USH2A: variants seen among roughly 807,000 people sequenced by gnomAD.
USH2A encodes the protein Usher syndrome 2A (autosomal recessive, mild).
Under a neutral mutation model 538.9 loss-of-function variants are expected in USH2A, and 443 were observed. The observed-to-expected ratio is 0.82, with a 90% CI of 0.76 to 0.89. USH2A has a LOEUF of 0.89. USH2A is among the 40% of genes least tolerant of loss of function. USH2A has a pLI of 0.00. For synonymous variants in USH2A, 2,413 were observed against 2,273.5 expected, an observed-to-expected ratio of 1.06 and a Z score of -1.75; for missense variants, 6,633 against 6,324.8, an observed-to-expected ratio of 1.05 and a Z score of -1.65.
In USH2A at chr1:215,674,399, C is replaced by A; in HGVS notation, c.13512G>T (p.Glu4504Asp). ...TGCTGGCAGTTACTGTGTAGCTATA[C>A]TCCACACCTGGGGTGAGAGTAAAAT... is the stretch of plus-strand genomic sequence containing the variant. The part of the protein sequence containing the change: ...YRDFTLTPGV[E>D]YSYTVTASNS... Residue 4504 changes from glutamate (E) to aspartate (D), a missense_variant, in exon 63 of 72, where the codon GAG becomes GAT. Glu to Asp is a conservative substitution (Grantham distance 45). Transcript: ENST00000307340. 1 of 1,614,136 alleles carries A rather than the reference C, an allele frequency of 6.2e-7. No individual in the cohort carries two copies. The highest frequency in any genetic ancestry group is 8.5e-7 in the Non-Finnish European group (1 of 1,180,030).
At chr1:216,071,391 G>C (rs2031552833) in intron 29 of USH2A, among the ~76,000 whole-genome samples, 1 of 152,166 alleles carries the variant, frequency 6.6e-6, no homozygotes, top group Non-Finnish European at 1.5e-5. Context: ...CAAGGAAAGG[G>C]ACAATGGGAG....
rs1571702290 is a variant in USH2A, at chr1:216,324,302, C to T, written c.1194G>A (p.Arg398=). ...AACTATTTTCCTTCTTCCTTTGAAT[C>T]CTTATTTCCGTTGGTTGTGGACTAA... ...QFFSPQPTEI[R]IQRKKENSLD... is the part of the protein sequence containing the mutation. Residue 398 remains arginine (R), a synonymous_variant, in exon 7 of 72, where the codon AGG becomes AGA. Coordinates refer to ENST00000307340, the MANE Select transcript of USH2A (RefSeq NM_206933.4). 6.2e-7 allele frequency: 1 copy of T among 1,612,946 alleles called. No individual in the cohort carries two copies.
At chr1:216,070,381 TCA>T in intron 29 of USH2A, 89 bp from the exon 30 acceptor site, 1 of 1,216,292 alleles carries the variant, frequency 8.2e-7, no homozygotes, top group Non-Finnish European at 1.2e-6. Context: ...CCGCAGTAAA[TCA>T]GACTCAACCA....
intron 37 of USH2A, among the ~76,000 whole-genome samples, chr1:215,946,236 G>A (rs181863303): frequency 6.6e-6 from 1 of 150,940 alleles, no homozygotes; most frequent in African/African-American, 2.4e-5. Flanking sequence ...ACATGAGACA[G>A]TTGAGAAGCT....
chr1:216,011,761 A>T (rs889066443), intron 32 of USH2A, among the ~76,000 whole-genome samples: 9 of 151,976 alleles, frequency 5.9e-5, no homozygotes, highest in Admixed American at 5.2e-4. Context: ...CCTGACGCAT[A>T]TACTTTCTGC....
intron 21 of USH2A, among the ~76,000 whole-genome samples, chr1:216,161,359 GT>G (rs2034055936): frequency 1.3e-5 from 2 of 151,808 alleles, no homozygotes; most frequent in Non-Finnish European, 2.9e-5. Context: ...CATTCTTTTG[GT>G]TGTTACCTTT....
At chr1:216,160,056 T>C (rs1465258433) in intron 21 of USH2A, among the ~76,000 whole-genome samples, 1 of 152,030 alleles carries the variant, frequency 6.6e-6, no homozygotes, top group Non-Finnish European at 1.5e-5. Flanking sequence ...CTTTCCTTGA[T>C]CACTTGCAAA....
At position 216,374,941 on chromosome 1, in the gene USH2A, G is replaced by A. The variant is rs970043053; in HGVS notation, c.652-9856C>T. On this transcript the variant is annotated intron_variant, in intron 3 of 71. Transcript: ENST00000307340. ...GAGTGGTCTTTAGGAACAAAGATTC[G>A]GTGCTAAGTAGATTCGTGCTATTTC... Among the ~76,000 whole-genome samples, 25 of 151,874 alleles carry A rather than the reference G, an allele frequency of 1.6e-4. No individual in the cohort carries two copies. The South Asian group carries it at 2.1e-3, about 13-fold the overall frequency.
chr1:216,268,483 G>C (rs1213394864), intron 11 of USH2A, among the ~76,000 whole-genome samples: 1 of 152,082 alleles, frequency 6.6e-6, no homozygotes, highest in Non-Finnish European at 1.5e-5. Context: ...GTATTACTCT[G>C]TACATTTCAC....
At chr1:216,397,464 A>G (rs1347127770) in intron 3 of USH2A, among the ~76,000 whole-genome samples, 1 of 152,208 alleles carries the variant, frequency 6.6e-6, no homozygotes, top group Non-Finnish European at 1.5e-5. Flanking sequence ...GTGGACTGAG[A>G]GAAAGACCTA....
At chr1:215,816,079 T>C (rs1314513478) in intron 48 of USH2A, among the ~76,000 whole-genome samples, 1 of 152,036 alleles carries the variant, frequency 6.6e-6, no homozygotes, top group Non-Finnish European at 1.5e-5. Flanking sequence ...TTTCCCAAGT[T>C]TTTCTTAAGT....
chr1:216,097,790 A>G (rs556178468), intron 21 of USH2A, among the ~76,000 whole-genome samples: 1 of 152,304 alleles, frequency 6.6e-6, no homozygotes, highest in South Asian at 2.1e-4. Flanking sequence ...AGGATATACA[A>G]TGCTCTTTTC....
At chr1:216,283,381 C>A (rs142745182) in intron 11 of USH2A, among the ~76,000 whole-genome samples, 1 of 152,184 alleles carries the variant, frequency 6.6e-6, no homozygotes, top group Non-Finnish European at 1.5e-5. Flanking sequence ...TGAGCCACCG[C>A]GCCCAGCCTG....
chr1:215,631,247 T>TGTGTGTGTGTGTGTGA (rs1423131979), intron 70 of USH2A, among the ~76,000 whole-genome samples: 50 of 151,962 alleles, frequency 3.3e-4, no homozygotes, highest in African/African-American at 1.2e-3. Context: ...TGTGTGTGTG[T>TGTGTGTGTGTGTGTGA]GGGTGGGTGT....
intron 34 of USH2A, among the ~76,000 whole-genome samples, chr1:215,996,254 G>A (rs1323687772): frequency 1.3e-5 from 2 of 152,116 alleles, no homozygotes; most frequent in Non-Finnish European, 2.9e-5. Flanking sequence ...AGGTCCACAG[G>A]GATTGGGGAT....
At chr1:215,942,496 C>T (rs928732836) in intron 37 of USH2A, among the ~76,000 whole-genome samples, 1 of 152,090 alleles carries the variant, frequency 6.6e-6, no homozygotes, top group Non-Finnish European at 1.5e-5. Flanking sequence ...ATATGAATCA[C>T]CTTGCTAGAA....
At chr1:216,020,656 C>A (rs1249597861) in intron 32 of USH2A, among the ~76,000 whole-genome samples, 1 of 152,094 alleles carries the variant, frequency 6.6e-6, no homozygotes, top group Non-Finnish European at 1.5e-5. Context: ...AAAGACCAAA[C>A]CTTGATTAGA....
At chr1:215,870,232 A>C (rs555549601) in intron 43 of USH2A, among the ~76,000 whole-genome samples, 1 of 152,036 alleles carries the variant, frequency 6.6e-6, no homozygotes, top group Admixed American at 6.5e-5. Context: ...TTTGTACTTT[A>C]ACTTTCATTG....
intron 20 of USH2A, among the ~76,000 whole-genome samples, chr1:216,188,123 G>A (rs184450487): frequency 8.6e-5 from 13 of 151,972 alleles, no homozygotes; most frequent in South Asian, 2.1e-4. Flanking sequence ...GACAGGAGTC[G>A]TTTTAATCGC....
Sources: gnomAD v4.1 joint callset for allele counts (sites outside exome capture counted in the v4.1 genomes callset) on GRCh38, gnomAD v4.1.1 for gene constraint, MANE v1.5 for transcripts, NCBI Gene and HGNC (gene_info 2026-07-23, HGNC 2026-07-21) for gene names.